The following SUPT16H variants were observed in gnomAD, a reference collection of about 807,000 sequenced individuals.
The protein encoded by SUPT16H is FACT complex subunit SPT16.
Under a neutral mutation model 136.2 loss-of-function variants are expected in SUPT16H, and 24 were observed. The observed-to-expected ratio is 0.18, with a 90% confidence interval of 0.13 to 0.25. The LOEUF (loss-of-function observed/expected upper bound fraction) is 0.25. Ranked by LOEUF, SUPT16H falls within the 10% of genes least tolerant of loss-of-function variation. The pLI is 1.00. For synonymous variants in SUPT16H, 415 were observed against 428.2 expected, an observed-to-expected ratio of 0.97 and a Z score of 0.38; for missense variants, 623 against 1,270.2, an observed-to-expected ratio of 0.49 and a Z score of 7.74.
chr14:21,366,571 G>GA lies in SUPT16H; in HGVS notation c.956-43dup, dbSNP rs746653493. On this transcript the variant is annotated intron_variant, in intron 7 of 25. Transcript: ENST00000216297. Reference sequence around the variant, plus strand: ...AAGGAGATATTAAAGTATCTTTTAGGAAAAAAACTCAGTAACATTTTAAAA... The same window carrying GA: ...AAGGAGATATTAAAGTATCTTTTAGGAAAAAAAACTCAGTAACATTTTAAAA... The GA allele has an allele frequency of 2.6e-6, 4 of 1,567,810 alleles. No individual in the cohort carries two copies. The Admixed American group carries it at 5.6e-5, about 22-fold the overall frequency.
chr14:21,362,671 A>T (rs1365011242), intron 14 of SUPT16H, 123 bp downstream of exon 14: 6 of 1,140,372 alleles, frequency 5.3e-6, no homozygotes, highest in Non-Finnish European at 7.3e-6. Flanking sequence ...GGATGTCAGT[A>T]ACTGAACAGA....
In SUPT16H at chr14:21,368,433, T is replaced by C. The variant is rs1482579002; in HGVS notation, c.791A>G (p.Asn264Ser). 6.2e-7 allele frequency: 1 copy of C among 1,605,852 alleles called. No homozygotes were observed. Among genetic ancestry groups the C allele is most frequent in the East Asian group, 2.2e-5 (1 of 44,630 alleles). ...NLKFSVVSDKNHMHFGAITCA... is the reference protein window; with the variant it reads ...NLKFSVVSDKSHMHFGAITCA... The stretch of plus-strand genomic sequence containing the variant: ...AGTGATAGCCCCAAAGTGCATATGA[T>C]TCTTGTCACTAGAGACCAACAAAGA... The change falls in exon 7 of 26, where the codon AAT becomes AGT. Residue 264 changes from asparagine to serine, a missense_variant. Coordinates refer to ENST00000216297, the MANE Select transcript of SUPT16H (RefSeq NM_007192.4).
intron 1 of SUPT16H, among the ~76,000 whole-genome samples, chr14:21,373,641 G>A (rs936400764): frequency 1.3e-5 from 2 of 152,056 alleles, no homozygotes; most frequent in Admixed American, 6.5e-5. Flanking sequence ...TTTTTCCTTA[G>A]CCCCCAGATC....
rs1242175160 is a variant in SUPT16H, at chr14:21,361,064, G to A, written c.1929+14C>T. The stretch of plus-strand genomic sequence containing the variant: ...TTCTTTGTGTAAGAATGTTTTGCCT[G>A]TGTTCAGGCTCACCTCCTTCTCTTT... On this transcript the variant is annotated intron_variant, in intron 16 of 25. Transcript: ENST00000216297. 1.4e-5 allele frequency: 23 copies of A among 1,612,752 alleles called. No homozygotes were observed. Among genetic ancestry groups the A allele is most frequent in the Non-Finnish European group, 1.9e-5 (22 of 1,179,652 alleles).
chr14:21,370,576 A>C, intron 3 of SUPT16H, 88 bp from the exon 4 acceptor site: 3 of 1,412,726 alleles, frequency 2.1e-6, no homozygotes, highest in Non-Finnish European at 2.9e-6. Flanking sequence ...TAATATTCTA[A>C]ACTACGGAAA....
intron 1 of SUPT16H, among the ~76,000 whole-genome samples, chr14:21,379,820 G>A (rs950878129): frequency 6.6e-6 from 1 of 152,152 alleles, no homozygotes; most frequent in African/African-American, 2.4e-5. Flanking sequence ...GTTTGGTTGA[G>A]GCTGCAGTGA....
intron 2 of SUPT16H, chr14:21,372,694 G>C (rs1172993895): frequency 4.4e-6 from 2 of 453,896 alleles, no homozygotes; most frequent in Non-Finnish European, 8.8e-6. Context: ...ACAGAGAACT[G>C]GAAAAAGCCT....
intron 1 of SUPT16H, among the ~76,000 whole-genome samples, chr14:21,378,471 T>C (rs1441194091): frequency 2.0e-5 from 3 of 152,134 alleles, no homozygotes; most frequent in South Asian, 4.1e-4. Flanking sequence ...TGGGGAAAAG[T>C]TATGAAGAAG....
At position 21,370,374 on chromosome 14, in the gene SUPT16H, T is replaced by G. The variant is rs1305937666; in HGVS notation, c.445A>C (p.Ser149Arg). 6.2e-7 allele frequency: 1 copy of G among 1,613,028 alleles called. No homozygotes were observed. The highest frequency in any genetic ancestry group is 8.5e-7 in the Non-Finnish European group (1 of 1,179,976). ...TCTTTGTTGAGGCAGTCATTCCAGC[T>G]CTTCATGAACTCTCCAGGGAATTTG... ...KDKFPGEFMK[S>R]WNDCLNKEGF... is the part of the protein sequence containing the mutation. Residue 149 changes from serine (S) to arginine (R), a missense_variant, in exon 4 of 26, where the codon AGC becomes CGC. By Grantham distance (110) the Ser-to-Arg change is moderately radical. Transcript: ENST00000216297.
chr14:21,366,680 C>CA (rs1223824234), intron 7 of SUPT16H, 151 bp from the exon 8 acceptor site: 1 of 633,312 alleles, frequency 1.6e-6, no homozygotes, highest in Non-Finnish European at 2.7e-6. Context: ...GACAAGGTCT[C>CA]ACTCTGTCAC....
chr14:21,380,312 T>TTTTTTTA (rs1555311137), intron 1 of SUPT16H, among the ~76,000 whole-genome samples: 1 of 149,824 alleles, frequency 6.7e-6, no homozygotes, highest in Non-Finnish European at 1.5e-5. Context: ...TTTTTTTTTT[T>TTTTTTTA]AAAGAAATGG....
chr14:21,372,267 G>A (rs1886803013), intron 2 of SUPT16H: 5 of 488,382 alleles, frequency 1.0e-5, no homozygotes, highest in Admixed American at 3.9e-5. Flanking sequence ...TTTTCTCTAC[G>A]TTTATATGCT....
intron 1 of SUPT16H, among the ~76,000 whole-genome samples, chr14:21,379,248 C>A (rs1038093254): frequency 2.7e-5 from 4 of 150,238 alleles, no homozygotes; most frequent in Non-Finnish European, 5.9e-5. Flanking sequence ...CCAGCCTGGC[C>A]AATATGGTGA....
At chr14:21,360,356 C>CT in intron 18 of SUPT16H, 59 bp downstream of exon 18, 1 of 1,304,010 alleles carries the variant, frequency 7.7e-7, no homozygotes, top group East Asian at 2.3e-5. Context: ...AGGAAAGAAG[C>CT]TGAGTGAAAT....
At chr14:21,383,209 C>T in intron 1 of SUPT16H, 1 of 169,900 alleles carries the variant, frequency 5.9e-6, no homozygotes, top group Non-Finnish European at 1.2e-5. Context: ...TGAACACGTG[C>T]CCCGGATACG....
chr14:21,366,382 C>A (rs1886666895), intron 8 of SUPT16H, 57 bp downstream of exon 8: 4 of 1,510,024 alleles, frequency 2.6e-6, no homozygotes, highest in Non-Finnish European at 3.7e-6. Flanking sequence ...ATAAGACTGA[C>A]CACTGACAGT....
intron 1 of SUPT16H, among the ~76,000 whole-genome samples, chr14:21,377,087 A>T (rs1308729246): frequency 6.6e-6 from 1 of 151,770 alleles, no homozygotes; most frequent in African/African-American, 2.4e-5. Flanking sequence ...AAAAAAAAAA[A>T]AAAAAAAAAG....
chr14:21,381,083 T>G (rs1248670259), intron 1 of SUPT16H, among the ~76,000 whole-genome samples: 3 of 152,004 alleles, frequency 2.0e-5, no homozygotes, highest in African/African-American at 7.2e-5. Context: ...GAGGCAAGAC[T>G]GGATCTAGAC....
Position 21,364,896 on chromosome 14 carries a change from G to T in SUPT16H, c.1164C>A (p.Asn388Lys). 1 of 1,613,724 alleles carries T rather than the reference G, an allele frequency of 6.2e-7. No homozygotes were observed. The highest frequency in any genetic ancestry group is 1.1e-5 in the South Asian group (1 of 91,048). Residue 388 changes from asparagine to lysine, a missense_variant, in exon 10 of 26, where the codon AAC (asparagine) becomes AAA (lysine). Asn to Lys is a moderately conservative substitution (Grantham distance 94). Around this residue, in one of 7 missense-constraint regions of SUPT16H, gnomAD observed 343 missense variants for 525.7 expected, o/e 0.65. Transcript: ENST00000216297. The stretch of plus-strand genomic sequence containing the variant: ...TCTCTTCTGGCTTTTTCCCCTCCTT[G>T]TTAGTCAGGTCTGAGAATCCTAAAT... ...SINLGFSDLT[N>K]KEGKKPEEKT...
Sources: allele counts gnomAD v4.1 joint callset (sites outside exome capture counted in the v4.1 genomes callset), GRCh38; gene constraint gnomAD v4.1.1; regional missense constraint gnomAD v4.1.1; transcripts MANE v1.5; gene names NCBI Gene and HGNC (gene_info 2026-07-23, HGNC 2026-07-21).